TMC2: variants seen among roughly 807,000 people sequenced by gnomAD.
TMC2 encodes transmembrane channel like 2.
Under a neutral mutation model 105.9 loss-of-function variants are expected in TMC2, and 102 were observed. The ratio of observed to expected loss-of-function variants is 0.96; its 90% CI spans 0.82 to 1.14. The LOEUF is 1.14. TMC2 is among the 50% of genes most tolerant of loss of function. The pLI is 0.00. For synonymous variants in TMC2, 402 were observed against 422.8 expected (o/e 0.95, Z 0.60); for missense variants, 1,093 against 1,134.3 (o/e 0.96, Z 0.52).
chr20:2,616,104 TC>T lies in TMC2; in HGVS notation c.1873-32del. On this transcript the variant is annotated intron_variant, in intron 14 of 19. Transcript: ENST00000358864. The surrounding 1 kb of genome is among the most constrained non-coding windows in gnomAD (Gnocchi z 4.8). The stretch of plus-strand genomic sequence containing the variant: ...TTCACCAAACGTGCTTTTTTTTTTC[TC>T]TCTCTCTCTCGCTCCCTCCCTCCCT... 6 of 1,537,214 alleles carry T rather than the reference TC, an allele frequency of 3.9e-6. No homozygotes were observed. The highest frequency in any genetic ancestry group is 3.4e-5 in the South Asian group (3 of 87,720).
rs577228310 is a variant in TMC2 at position 2,553,134 on chromosome 20, G to A, written c.83-5322G>A. Among the ~76,000 whole-genome samples the A allele has an allele frequency of 3.3e-5, 5 of 152,296 alleles. No individual in the cohort carries two copies. In the South Asian group the frequency reaches 1.0e-3, roughly 32 times the overall value. ...TGCATTATCTAGGACTTCCAACACA[G>A]TGCTGAACAGGTGACAGGAGACATC... is the stretch of plus-strand genomic sequence containing the variant. On this transcript the variant is annotated intron_variant, in intron 2 of 19. Coordinates refer to ENST00000358864, the MANE Select transcript of TMC2 (RefSeq NM_080751.3).
intron 7 of TMC2, among the ~76,000 whole-genome samples, chr20:2,588,705 G>GTA (rs1187954852): frequency 6.6e-6 from 1 of 151,706 alleles, no homozygotes; most frequent in Non-Finnish European, 1.5e-5. Context: ...GTGTGTGTGT[G>GTA]TGTGTGTGTG....
Position 2,616,148 on chromosome 20 carries a change from T to A in TMC2, c.1884T>A (p.Ala628=). The change falls in exon 15 of 20, where the codon GCT becomes GCA. Residue 628 remains alanine (A), a synonymous_variant. Coordinates refer to ENST00000358864, the MANE Select transcript of TMC2 (RefSeq NM_080751.3). This position sits in a 1 kb window ranked among gnomAD's most constrained non-coding sequence, Gnocchi z 4.8. ...WDLEAGFPSY[A]EFDISGNVLG... ...CCCTCCCTCTCTAGCCTTCATATGCTGAGTTTGATATTAGTGGAAATGTGC... is the reference window on the plus strand; with the variant it reads ...CCCTCCCTCTCTAGCCTTCATATGCAGAGTTTGATATTAGTGGAAATGTGC... 1 of 1,612,570 alleles carries A rather than the reference T, an allele frequency of 6.2e-7. No homozygotes were observed. The highest frequency in any genetic ancestry group is 8.5e-7 in the Non-Finnish European group (1 of 1,178,702).
chr20:2,558,923 A>C lies in TMC2; in HGVS notation c.401+149A>C. On this transcript the variant is annotated intron_variant, in intron 3 of 19. Coordinates refer to ENST00000358864, the MANE Select transcript of TMC2 (RefSeq NM_080751.3). The surrounding 1 kb of genome is among the most constrained non-coding windows in gnomAD (Gnocchi z 4.6). ...CTGGCTTCCGTGCCTCCCAGCCCTT[A>C]CCACTGCCCCACTCTGCGGTGGGTT... 1 of 773,636 alleles carries C rather than the reference A, an allele frequency of 1.3e-6. No homozygotes were observed. Among genetic ancestry groups the C allele is most frequent in the Non-Finnish European group, 2.0e-6 (1 of 500,880 alleles). The allele number at this position is 773,636 out of a possible 1,614,324, so 47.9% of individuals were successfully genotyped here.
At chr20:2,563,611 A>T (rs1031446790) in intron 4 of TMC2, among the ~76,000 whole-genome samples, 1 of 152,256 alleles carries the variant, frequency 6.6e-6, no homozygotes, top group African/African-American at 2.4e-5. Context: ...AGAATAGATT[A>T]TAAGTGTTCT....
intron 18 of TMC2, among the ~76,000 whole-genome samples, chr20:2,636,298 A>C (rs1191521211): frequency 6.6e-6 from 1 of 152,192 alleles, no homozygotes; most frequent in Non-Finnish European, 1.5e-5. Flanking sequence ...AGTATCCACA[A>C]TAACTCCTAC....
chr20:2,548,831 T>C (rs2085939988), intron 2 of TMC2, among the ~76,000 whole-genome samples: 1 of 152,178 alleles, frequency 6.6e-6, no homozygotes, highest in African/African-American at 2.4e-5. Context: ...AGCACAAATT[T>C]AGGTATTTTG....
intron 2 of TMC2, among the ~76,000 whole-genome samples, chr20:2,551,111 T>G (rs150506638): frequency 2.1e-4 from 32 of 152,362 alleles, no homozygotes; most frequent in Admixed American, 1.2e-3. Context: ...TAGCAATAAA[T>G]GAGCATTCCT....
chr20:2,633,292 G>A (rs2086617431), intron 17 of TMC2, among the ~76,000 whole-genome samples: 1 of 145,978 alleles, frequency 6.9e-6, no homozygotes, highest in Non-Finnish European at 1.5e-5. Flanking sequence ...AGAGGTGAGA[G>A]CTCAGGGCCT....
At chr20:2,637,160 C>T (rs551488979) in intron 18 of TMC2, among the ~76,000 whole-genome samples, 11 of 151,572 alleles carry the variant, frequency 7.3e-5, no homozygotes, top group African/African-American at 2.2e-4. Context: ...AGGCCGAGGC[C>T]GGTGGATCAC....
At chr20:2,560,455 G>T (rs895745488) in intron 3 of TMC2, among the ~76,000 whole-genome samples, 2 of 152,100 alleles carry the variant, frequency 1.3e-5, no homozygotes, top group Non-Finnish European at 2.9e-5. Flanking sequence ...CACTCAGGCT[G>T]CCCAGCCATA....
intron 16 of TMC2, among the ~76,000 whole-genome samples, chr20:2,620,603 A>G (rs1036510550): frequency 6.6e-6 from 1 of 152,206 alleles, no homozygotes; most frequent in Non-Finnish European, 1.5e-5. Context: ...AACATTACCA[A>G]CTTGGACTGA....
Position 2,619,171 on chromosome 20 carries a change from G to A in TMC2, c.2180+1860G>A, listed in dbSNP as rs143398350. ...AGGAAGGAGACAAATGCAGTTTGTCGGCTTTGGGTGATTTATTAGGGGTAA... is the reference window on the plus strand; with the variant it reads ...AGGAAGGAGACAAATGCAGTTTGTCAGCTTTGGGTGATTTATTAGGGGTAA... On this transcript the variant is annotated intron_variant, in intron 16 of 19. Coordinates refer to ENST00000358864, the MANE Select transcript of TMC2 (RefSeq NM_080751.3). 6.5e-3 allele frequency among the ~76,000 whole-genome samples: 988 copies of A among 152,232 alleles called. 6 individuals carry two copies. The highest frequency in any genetic ancestry group is 0.038 in the Middle Eastern group (11 of 292).
Position 2,592,288 on chromosome 20 carries a change from T to A in TMC2, c.835-22T>A, listed in dbSNP as rs1255179551. On this transcript the variant is annotated intron_variant, in intron 7 of 19. Transcript: ENST00000358864. The surrounding 1 kb of genome is among the most constrained non-coding windows in gnomAD (Gnocchi z 4.9). The stretch of plus-strand genomic sequence containing the variant: ...TTTGTATTTCCTCCACTCATACTTG[T>A]GTCATTGTGTTTCTGCACAAGGTAC... 2.0e-6 allele frequency: 3 copies of A among 1,511,166 alleles called. No individual in the cohort carries two copies. The highest frequency in any genetic ancestry group is 9.2e-7 in the Non-Finnish European group (1 of 1,086,916). 93.6% of individuals were successfully genotyped at this position (1,511,166 alleles called of 1,614,324 possible). A position where few individuals can be genotyped will look rare whatever the true frequency, so the allele number is the denominator to read the frequency against.
At chr20:2,608,516 C>T (rs1265016021) in intron 11 of TMC2, among the ~76,000 whole-genome samples, 2 of 151,846 alleles carry the variant, frequency 1.3e-5, no homozygotes, top group Non-Finnish European at 2.9e-5. Flanking sequence ...TTAGTAGAGA[C>T]GAGGTTTTGC....
At position 2,641,121 on chromosome 20, in the gene TMC2, GTTCGT is replaced by G. The variant is rs758009101; in HGVS notation, c.2504-10_2504-6del. On this transcript the variant is annotated splice_polypyrimidine_tract_variant and splice_region_variant and intron_variant, in intron 19 of 19. Transcript: ENST00000358864. The stretch of plus-strand genomic sequence containing the variant: ...CTCCCACTTCCTCTTTCTTGTCTTG[GTTCGT>G]TTTCCAGAGACCACTCCTCCCTCTG... The G allele has an allele frequency of 6.2e-7, 1 of 1,612,790 alleles. No individual in the cohort carries two copies. The highest frequency in any genetic ancestry group is 8.5e-7 in the Non-Finnish European group (1 of 1,178,968).
intron 16 of TMC2, among the ~76,000 whole-genome samples, chr20:2,622,529 G>A (rs1342424713): frequency 3.3e-5 from 5 of 152,176 alleles, no homozygotes; most frequent in South Asian, 4.2e-4. Flanking sequence ...TTAGCCGGGC[G>A]TAGTGGTGCC....
chr20:2,575,327 TTTTAAC>T (rs1356859307), intron 5 of TMC2, among the ~76,000 whole-genome samples: 1 of 152,226 alleles, frequency 6.6e-6, no homozygotes, highest in Non-Finnish European at 1.5e-5. Context: ...AGTGTGCATA[TTTTAAC>T]TTTAACTTTT....
chr20:2,561,866 C>T lies in TMC2; in HGVS notation c.410C>T (p.Ser137Phe), dbSNP rs550580829. The T allele has an allele frequency of 4.3e-6, 7 of 1,613,854 alleles. No individual in the cohort carries two copies. Among genetic ancestry groups the T allele is most frequent in the South Asian group, 1.1e-5 (1 of 91,034 alleles). Residue 137 changes from serine (S) to phenylalanine (F), a missense_variant, in exon 4 of 20, where the codon TCC (serine) becomes TTC (phenylalanine). Physicochemically the swap from Ser to Phe is radical, Grantham distance 155. Transcript: ENST00000358864. ...SKRQKKPRSS[S>F]LASSASGGES... ...CCTGGCTCTGCCTCCAGGTCATCCT[C>T]CTTGGCCTCCAGTGCCTCTGGTGGG... is the stretch of plus-strand genomic sequence containing the variant.
Sources: gnomAD v4.1 joint callset for allele counts (sites outside exome capture counted in the v4.1 genomes callset) on GRCh38, gnomAD v4.1.1 for gene constraint, Gnocchi (gnomAD v3.1) non-coding constraint, MANE v1.5 for transcripts, NCBI Gene and HGNC (gene_info 2026-07-23, HGNC 2026-07-21) for gene names.